ZMYM2: variants seen among roughly 807,000 people sequenced by gnomAD.
ZMYM2 encodes zinc finger MYM-type protein 2.
Under a neutral mutation model 162.8 loss-of-function variants are expected in ZMYM2, and 56 were observed. The ratio of observed to expected loss-of-function variants is 0.34; its 90% confidence interval spans 0.28 to 0.43. ZMYM2 has a LOEUF of 0.43. Ranked by LOEUF, ZMYM2 falls within the 20% of genes least tolerant of loss-of-function variation. The pLI is 1.00. For synonymous variants in ZMYM2, 510 were observed against 541.6 expected (o/e 0.94, Z 0.81); for missense variants, 1,275 against 1,621.8 (o/e 0.79, Z 3.67).
intron 12 of ZMYM2, among the ~76,000 whole-genome samples, chr13:20,044,530 T>G (rs538931466): frequency 6.6e-6 from 1 of 152,186 alleles, no homozygotes; most frequent in African/African-American, 2.4e-5. Flanking sequence ...CCGGGGCAGC[T>G]CTTCTACCTG....
At chr13:20,076,755 A>G (rs1957532759) in intron 21 of ZMYM2, among the ~76,000 whole-genome samples, 1 of 150,690 alleles carries the variant, frequency 6.6e-6, no homozygotes, top group Non-Finnish European at 1.5e-5. Flanking sequence ...TAGTTTTCAA[A>G]TAATTAAATT....
intron 7 of ZMYM2, among the ~76,000 whole-genome samples, chr13:20,020,659 G>A (rs1410041914): frequency 2.0e-5 from 3 of 151,700 alleles, no homozygotes; most frequent in African/African-American, 7.3e-5. Context: ...GTATTGTTTT[G>A]TATTGTTTTT....
chr13:20,044,623 A>G (rs548590721), intron 12 of ZMYM2, among the ~76,000 whole-genome samples: 22 of 152,156 alleles, frequency 1.4e-4, no homozygotes, highest in Non-Finnish European at 2.8e-4. Flanking sequence ...GTTTCTTCCT[A>G]GATAAGAAAA....
intron 21 of ZMYM2, among the ~76,000 whole-genome samples, chr13:20,078,625 G>A (rs958284458): frequency 1.3e-5 from 2 of 152,112 alleles, no homozygotes; most frequent in African/African-American, 4.8e-5. Flanking sequence ...ATCTGTCAAC[G>A]TGCTGCTTTG....
Position 19,993,257 on chromosome 13 carries a change from T to G in ZMYM2, c.185T>G (p.Phe62Cys). The change falls in exon 3 of 25, where the codon TTT (phenylalanine) becomes TGT (cysteine). Residue 62 changes from phenylalanine (F) to cysteine (C), a missense_variant. Around this residue, in one of 10 missense-constraint regions of ZMYM2, gnomAD observed 295 missense variants for 286.7 expected, o/e 1.03. Transcript: ENST00000610343. Reference protein sequence around the residue: ...SSVEDDDDVVFIEPVQPPPPS... With the variant: ...SSVEDDDDVVCIEPVQPPPPS... ...GTGGAAGATGATGATGATGTTGTTT[T>G]TATCGAACCTGTACAACCTCCCCCA... The G allele has an allele frequency of 6.2e-7, 1 of 1,613,974 alleles. No homozygotes were observed. The highest frequency in any genetic ancestry group is 8.5e-7 in the Non-Finnish European group (1 of 1,179,886).
chr13:19,884,758 T>C, the ZMYM2 span, among the ~76,000 whole-genome samples: 1 of 152,026 alleles, frequency 6.6e-6, no homozygotes, highest in Non-Finnish European at 1.5e-5. Context: ...GTTACAGCTC[T>C]TCAACATAGT....
the ZMYM2 span, among the ~76,000 whole-genome samples, chr13:19,883,591 G>A: frequency 6.6e-6 from 1 of 152,148 alleles, no homozygotes; most frequent in South Asian, 2.1e-4. Context: ...CCCAGGCTAT[G>A]TTTATTTAGT....
chr13:20,051,892 C>T (rs1289247533), intron 13 of ZMYM2, among the ~76,000 whole-genome samples: 5 of 152,034 alleles, frequency 3.3e-5, no homozygotes, highest in African/African-American at 9.7e-5. Context: ...ATCTAACTAT[C>T]GTGTCATCTG....
chr13:19,877,233 G>C, the ZMYM2 span, among the ~76,000 whole-genome samples: 9 of 141,102 alleles, frequency 6.4e-5, no homozygotes, highest in South Asian at 2.3e-4. Context: ...AAAAAACAAA[G>C]AAGTTTATTT....
At chr13:20,071,452 T>A (rs1659615878) in intron 21 of ZMYM2, among the ~76,000 whole-genome samples, 1 of 152,198 alleles carries the variant, frequency 6.6e-6, no homozygotes, top group African/African-American at 2.4e-5. Flanking sequence ...TAGGGCTGAG[T>A]TACAAAGTCT....
chr13:20,001,967 G>A (rs1028142890), intron 3 of ZMYM2, among the ~76,000 whole-genome samples: 5 of 152,184 alleles, frequency 3.3e-5, no homozygotes, highest in Non-Finnish European at 7.4e-5. Flanking sequence ...AAATTCCCAT[G>A]TCTTGCTTTA....
chr13:20,068,447 T>C (rs1956839643), intron 21 of ZMYM2: 2 of 159,764 alleles, frequency 1.3e-5, no homozygotes, highest in African/African-American at 4.8e-5. Flanking sequence ...TGTTAATGTT[T>C]CTAAACAAGT....
intron 5 of ZMYM2, among the ~76,000 whole-genome samples, chr13:20,006,145 A>T (rs1437647901): frequency 2.0e-5 from 3 of 151,454 alleles, no homozygotes; most frequent in Admixed American, 6.6e-5. Flanking sequence ...AGGTAGGAGG[A>T]TTGCTTGAGC....
chr13:19,957,985 GC>G (rs1954670086), upstream of ZMYM2, among the ~76,000 whole-genome samples: 1 of 152,248 alleles, frequency 6.6e-6, no homozygotes, highest in African/African-American at 2.4e-5. Context: ...AAGTTTCCCG[GC>G]CCCACGGGGT....
intron 2 of ZMYM2, among the ~76,000 whole-genome samples, chr13:19,971,708 T>C (rs1473568835): frequency 2.6e-5 from 4 of 152,092 alleles, no homozygotes; most frequent in African/African-American, 9.7e-5. Context: ...TCGAGATTTA[T>C]TTTGGAAGTA....
intron 12 of ZMYM2, among the ~76,000 whole-genome samples, chr13:20,045,729 T>C (rs1228293589): frequency 6.6e-6 from 1 of 152,204 alleles, no homozygotes; most frequent in African/African-American, 2.4e-5. Context: ...TTTCATTGTT[T>C]ATCTTATTGT....
At chr13:19,940,953 ATAAACAAC>A in the ZMYM2 span, among the ~76,000 whole-genome samples, 2 of 152,220 alleles carry the variant, frequency 1.3e-5, no homozygotes, top group African/African-American at 4.8e-5. Context: ...AGATAGAGCT[ATAAACAAC>A]TAAACTTGTA....
intron 12 of ZMYM2, 22 bp downstream of exon 12, chr13:20,036,931 G>A: frequency 1.3e-6 from 2 of 1,585,602 alleles, no homozygotes; most frequent in African/African-American, 1.4e-5. Context: ...CTTTATTACA[G>A]CAGCTACTTT....
chr13:19,885,678 A>G, the ZMYM2 span, among the ~76,000 whole-genome samples: 1,826 of 151,826 alleles, frequency 0.012, 38 homozygotes, highest in African/African-American at 0.04. Flanking sequence ...CTCTCTACTA[A>G]AAATACAAAA....
Sources: gnomAD v4.1 joint callset for allele counts (sites outside exome capture counted in the v4.1 genomes callset) on GRCh38, gnomAD v4.1.1 for gene constraint, gnomAD v4.1.1 regional missense constraint, MANE v1.5 for transcripts, NCBI Gene and HGNC (gene_info 2026-07-23, HGNC 2026-07-21) for gene names.